Variants in TRDN observed in about 807,000 individuals in gnomAD.
TRDN encodes the protein triadin in skeletal muscle.
A neutral mutation model predicts 149.7 loss-of-function variants in TRDN; 161 were observed. That is an observed-to-expected ratio of 1.08 (90% confidence interval 0.95 to 1.23). The LOEUF is 1.23. Among genes scored for constraint, TRDN ranks in the 50% most tolerant of loss-of-function variants. The probability of loss-of-function intolerance (pLI) is 0.00; values close to 1 mark genes in which losing one functional copy is unlikely to be tolerated. For synonymous variants in TRDN, 294 were observed against 250.5 expected, an observed-to-expected ratio of 1.17 and a Z score of -1.64; for missense variants, 896 against 823.5, an observed-to-expected ratio of 1.09 and a Z score of -1.08.
intron 12 of TRDN, among the ~76,000 whole-genome samples, chr6:123,431,760 G>A (rs1443931265): frequency 1.3e-5 from 2 of 152,240 alleles, no homozygotes; most frequent in East Asian, 3.9e-4. Flanking sequence ...ACATGTAAAT[G>A]TAGAAATTTA....
chr6:123,323,948 CATTTGTA>C (rs1412296747), intron 23 of TRDN, among the ~76,000 whole-genome samples: 1 of 152,130 alleles, frequency 6.6e-6, no homozygotes, highest in Non-Finnish European at 1.5e-5. Flanking sequence ...TGGCTGCATG[CATTTGTA>C]GGTCCTGCAG....
intron 10 of TRDN, among the ~76,000 whole-genome samples, chr6:123,449,955 A>G (rs991786229): frequency 3.3e-5 from 5 of 152,200 alleles, no homozygotes; most frequent in African/African-American, 1.2e-4. Flanking sequence ...AGAATTTTGT[A>G]TCCAGTGAAA....
intron 29 of TRDN, among the ~76,000 whole-genome samples, chr6:123,271,537 A>T (rs1777206475): frequency 6.6e-6 from 1 of 152,016 alleles, no homozygotes; most frequent in Non-Finnish European, 1.5e-5. Context: ...TTAAATTAGA[A>T]TAGGAAGGAG....
intron 4 of TRDN, among the ~76,000 whole-genome samples, chr6:123,538,795 C>T (rs1314163022): frequency 6.6e-6 from 1 of 152,078 alleles, no homozygotes; most frequent in African/African-American, 2.4e-5. Flanking sequence ...ATGATATCTA[C>T]CTAATCTCAT....
At chr6:123,534,752 T>C (rs1780436069) in intron 4 of TRDN, among the ~76,000 whole-genome samples, 1 of 152,198 alleles carries the variant, frequency 6.6e-6, no homozygotes, top group Non-Finnish European at 1.5e-5. Context: ...CTTCTGGTTA[T>C]TTAATAATTT....
intron 10 of TRDN, among the ~76,000 whole-genome samples, chr6:123,455,017 C>T (rs933986089): frequency 3.9e-5 from 6 of 152,168 alleles, no homozygotes; most frequent in African/African-American, 1.4e-4. Context: ...TAGATATACT[C>T]TGTGAAAAAC....
intron 5 of TRDN, among the ~76,000 whole-genome samples, chr6:123,520,503 G>A (rs568702363): frequency 6.6e-6 from 1 of 152,178 alleles, no homozygotes; most frequent in African/African-American, 2.4e-5. Flanking sequence ...TGTGCTGACC[G>A]AATTCTCCAA....
chr6:123,296,146 C>T (rs1226866941), intron 24 of TRDN, among the ~76,000 whole-genome samples: 2 of 152,078 alleles, frequency 1.3e-5, no homozygotes, highest in South Asian at 2.1e-4. Context: ...TTACTCAACT[C>T]GTGATAGATT....
intron 20 of TRDN, among the ~76,000 whole-genome samples, chr6:123,356,819 T>C (rs886884922): frequency 2.0e-5 from 3 of 151,276 alleles, no homozygotes; most frequent in African/African-American, 4.8e-5. Context: ...ATAGAATCTG[T>C]AGTGATGATC....
intron 24 of TRDN, among the ~76,000 whole-genome samples, chr6:123,288,002 A>C (rs2114644643): frequency 6.6e-6 from 1 of 151,122 alleles, no homozygotes; most frequent in South Asian, 2.1e-4. Flanking sequence ...AAAGCAAACA[A>C]AATGTCAATG....
At chr6:123,359,867 T>C (rs1780828818) in intron 20 of TRDN, among the ~76,000 whole-genome samples, 1 of 151,968 alleles carries the variant, frequency 6.6e-6, no homozygotes, top group African/African-American at 2.4e-5. Context: ...GGCTAATTTT[T>C]CGTATTTTTA....
intron 4 of TRDN, among the ~76,000 whole-genome samples, chr6:123,538,229 TA>T (rs560299289): frequency 6.6e-6 from 1 of 152,086 alleles, no homozygotes; most frequent in Non-Finnish European, 1.5e-5. Context: ...ATTTTAATAT[TA>T]AAAAAACAAA....
chr6:123,446,996 C>T (rs143177480), intron 10 of TRDN, among the ~76,000 whole-genome samples: 2 of 152,084 alleles, frequency 1.3e-5, no homozygotes, highest in African/African-American at 4.8e-5. Context: ...GTAAGAGTAC[C>T]TCCCTTCACA....
chr6:123,517,630 C>T (rs1779475354), intron 5 of TRDN, among the ~76,000 whole-genome samples: 1 of 152,076 alleles, frequency 6.6e-6, no homozygotes, highest in Admixed American at 6.6e-5. Context: ...TTTATATTCT[C>T]ATTATAACTA....
chr6:123,384,151 A>G (rs192330197), intron 14 of TRDN, among the ~76,000 whole-genome samples: 96 of 152,332 alleles, frequency 6.3e-4, no homozygotes, highest in Admixed American at 2.7e-3. Flanking sequence ...TTGGATAAGC[A>G]AGCAATTCAA....
In TRDN at chr6:123,327,855, T is replaced by C. The variant is rs566727166; in HGVS notation, c.1471+4024A>G. Among the ~76,000 whole-genome samples the C allele has an allele frequency of 7.9e-5, 12 of 152,294 alleles. No homozygotes were observed. The South Asian group carries it at 2.3e-3, about 29-fold the overall frequency. On this transcript the variant is annotated intron_variant, in intron 23 of 40. Transcript: ENST00000334268. Reference sequence around the variant, plus strand: ...ATCTGATACAATGTTGAAATCAAGATGACATTTTTAGTGTGTTTTATATTT... The same window carrying C: ...ATCTGATACAATGTTGAAATCAAGACGACATTTTTAGTGTGTTTTATATTT...
chr6:123,488,622 G>A (rs1778074037), intron 9 of TRDN: 1 of 151,782 alleles, frequency 6.6e-6, no homozygotes, highest in African/African-American at 2.4e-5. Context: ...TCTATGATCA[G>A]GCTTTATTTC....
At position 123,274,055 on chromosome 6, in the gene TRDN, C is replaced by T. The variant is rs117065403; in HGVS notation, c.1597+586G>A. ...GACCCCTAGCTTCAACATTGATTAA[C>T]TTGAAAATCCTGGAATAATAACTTA... On this transcript the variant is annotated intron_variant, in intron 27 of 40. Coordinates refer to ENST00000334268, the MANE Select transcript of TRDN (RefSeq NM_006073.4). Among the ~76,000 whole-genome samples the T allele has an allele frequency of 4.8e-3, 724 of 152,154 alleles. 5 individuals carry two copies. Among genetic ancestry groups the T allele is most frequent in the Admixed American group, 7.5e-3 (114 of 15,242 alleles).
chr6:123,375,743 G>A (rs1356285513), intron 18 of TRDN, 112 bp from the exon 19 acceptor site: 3 of 833,690 alleles, frequency 3.6e-6, no homozygotes, highest in Admixed American at 4.0e-5. Context: ...TATAATATTG[G>A]AAGCTAAAGA....
Sources: gnomAD v4.1 joint callset for allele counts (sites outside exome capture counted in the v4.1 genomes callset) on GRCh38, gnomAD v4.1.1 for gene constraint, MANE v1.5 for transcripts, NCBI Gene and HGNC (gene_info 2026-07-23, HGNC 2026-07-21) for gene names.